Variants in LHFPL3 observed in about 807,000 individuals in gnomAD.
The protein encoded by LHFPL3 is LHFPL tetraspan subfamily member 3, also known as LHFPL tetraspan subfamily member 3 protein.
A neutral mutation model predicts 19.3 loss-of-function variants in LHFPL3; 5 were observed. The observed-to-expected ratio is 0.26, with a 90% confidence interval of 0.14 to 0.54. The LOEUF (loss-of-function observed/expected upper bound fraction) is 0.54, where lower values mean the gene tolerates loss of function less well. Ranked by LOEUF, LHFPL3 falls within the 20% of genes least tolerant of loss-of-function variation. LHFPL3 has a pLI of 0.94. For synonymous variants in LHFPL3, 133 were observed against 126.2 expected (o/e 1.05, Z -0.36); for missense variants, 249 against 307.4 (o/e 0.81, Z 1.42).
chr7:104,456,792 T>C (rs946016089), intron 1 of LHFPL3, among the ~76,000 whole-genome samples: 42 of 152,300 alleles, frequency 2.8e-4, no homozygotes, highest in Non-Finnish European at 5.0e-4. Flanking sequence ...AAGTGACTAA[T>C]GGGTGGGGAG....
chr7:104,336,004 C>G (rs1198033243), intron 1 of LHFPL3, among the ~76,000 whole-genome samples: 2 of 152,088 alleles, frequency 1.3e-5, no homozygotes, highest in Non-Finnish European at 2.9e-5. Flanking sequence ...AAATAACGCT[C>G]TAGGAGAATT....
intron 1 of LHFPL3, among the ~76,000 whole-genome samples, chr7:104,685,192 C>T (rs111893153): frequency 0.019 from 2,910 of 152,100 alleles, 101 homozygotes; most frequent in African/African-American, 0.067. Context: ...ACTAAAAATA[C>T]AAAAATTAGC....
intron 1 of LHFPL3, among the ~76,000 whole-genome samples, chr7:104,521,302 G>T (rs1794055391): frequency 1.3e-5 from 2 of 151,740 alleles, no homozygotes; most frequent in South Asian, 4.2e-4. Context: ...ATTGCACTGT[G>T]GTCTGAGAGA....
chr7:104,387,845 T>C (rs1265657119), intron 1 of LHFPL3, among the ~76,000 whole-genome samples: 1 of 152,146 alleles, frequency 6.6e-6, no homozygotes, highest in Non-Finnish European at 1.5e-5. Context: ...GCCATATAGG[T>C]AAATTGTGTG....
In LHFPL3 at chr7:104,341,721, C is replaced by A. The variant is rs183492195; in HGVS notation, c.445+12497C>A. Among the ~76,000 whole-genome samples the A allele has an allele frequency of 1.4e-3, 211 of 152,242 alleles. No individual in the cohort carries two copies. In the East Asian group the frequency reaches 0.024, roughly 17 times the overall value. ...CAGCCCCAGTTCACTTTGCTGAAGACCCCTCCATTGTCGGCAGGATGGGCT... is the reference window on the plus strand; with the variant it reads ...CAGCCCCAGTTCACTTTGCTGAAGAACCCTCCATTGTCGGCAGGATGGGCT... On this transcript the variant is annotated intron_variant, in intron 1 of 2. Transcript: ENST00000424859.
At chr7:104,850,960 G>T (rs1475443515) in intron 2 of LHFPL3, among the ~76,000 whole-genome samples, 1 of 152,126 alleles carries the variant, frequency 6.6e-6, no homozygotes, top group Non-Finnish European at 1.5e-5. Context: ...ATCATTCCAG[G>T]TACTTCTGAT....
chr7:104,609,926 T>C (rs1791179739), intron 1 of LHFPL3, among the ~76,000 whole-genome samples: 1 of 152,224 alleles, frequency 6.6e-6, no homozygotes, highest in African/African-American at 2.4e-5. Context: ...TTTTTAATTA[T>C]GAAACTATTC....
intron 2 of LHFPL3, among the ~76,000 whole-genome samples, chr7:104,857,904 G>A (rs1206242367): frequency 1.3e-5 from 2 of 152,170 alleles, no homozygotes; most frequent in African/African-American, 2.4e-5. Context: ...ACAGGAAACG[G>A]GGCTTGTGGT....
chr7:104,698,803 A>G (rs1291415279), intron 1 of LHFPL3, among the ~76,000 whole-genome samples: 1 of 152,236 alleles, frequency 6.6e-6, no homozygotes, highest in African/African-American at 2.4e-5. Context: ...ACTGTATCTG[A>G]TAAGGGATTA....
intron 1 of LHFPL3, among the ~76,000 whole-genome samples, chr7:104,330,127 CTGGTGACTT>C (rs1435410117): frequency 6.6e-6 from 1 of 152,150 alleles, no homozygotes. Context: ...GGTACATTTC[CTGGTGACTT>C]TGAAGAGTCC....
intron 2 of LHFPL3, among the ~76,000 whole-genome samples, chr7:104,859,110 T>A (rs1170708758): frequency 6.9e-6 from 1 of 144,458 alleles, no homozygotes; most frequent in Non-Finnish European, 1.5e-5. Flanking sequence ...TAAAAAAAAA[T>A]ACAAAAATTA....
chr7:104,632,046 G>T (rs1005242126), intron 1 of LHFPL3, among the ~76,000 whole-genome samples: 2 of 152,118 alleles, frequency 1.3e-5, no homozygotes, highest in African/African-American at 4.8e-5. Context: ...AGATTTCTTT[G>T]GGCTTCCTTC....
At position 104,329,852 on chromosome 7, in the gene LHFPL3, A is replaced by G. The variant is rs919795494; in HGVS notation, c.445+628A>G. Among the ~76,000 whole-genome samples the G allele has an allele frequency of 7.9e-5, 12 of 152,166 alleles. 1 individual carries two copies. Among genetic ancestry groups the G allele is most frequent in the Admixed American group, 5.9e-4 (9 of 15,280 alleles). On this transcript the variant is annotated intron_variant, in intron 1 of 2. Transcript: ENST00000424859. ...ATGTAGCTTAGAACATTCTTTCGCA[A>G]TTCCTCAATGTCAAGTCTTCAGTTT...
rs1422185875 is a variant in LHFPL3 at position 104,328,748 on chromosome 7, G to C, written c.-32G>C. 4 of 503,716 alleles carry C rather than the reference G, an allele frequency of 7.9e-6. No homozygotes were observed. The highest frequency in any genetic ancestry group is 1.0e-5 in the Non-Finnish European group (4 of 393,712). 31.2% of individuals were successfully genotyped at this position (503,716 alleles called of 1,614,324 possible). On this transcript the variant is annotated 5_prime_UTR_variant, in exon 1 of 3. Transcript: ENST00000424859. This position sits in a 1 kb window ranked among gnomAD's most constrained non-coding sequence, Gnocchi z 4.6. ...AGAGGCGGGGGGAGGCGGAGGACCA[G>C]GAGGAGGAGGAGGAGGAGGAGGAGG...
intron 1 of LHFPL3, among the ~76,000 whole-genome samples, chr7:104,507,176 C>T (rs1429744228): frequency 6.6e-6 from 1 of 151,962 alleles, no homozygotes; most frequent in Non-Finnish European, 1.5e-5. Flanking sequence ...AAGAACAAAG[C>T]TGGAGGCATC....
chr7:104,478,694 G>T (rs1271672142), intron 1 of LHFPL3, among the ~76,000 whole-genome samples: 2 of 152,200 alleles, frequency 1.3e-5, no homozygotes, highest in African/African-American at 4.8e-5. Context: ...TTCTTAGGGA[G>T]ACTCAGATAA....
intron 1 of LHFPL3, among the ~76,000 whole-genome samples, chr7:104,463,010 T>G (rs1168361359): frequency 6.6e-6 from 1 of 152,190 alleles, no homozygotes; most frequent in Non-Finnish European, 1.5e-5. Context: ...TTGTAGTTTT[T>G]CTAGTTTATA....
chr7:104,607,851 C>G (rs368582987), intron 1 of LHFPL3, among the ~76,000 whole-genome samples: 19 of 152,218 alleles, frequency 1.2e-4, no homozygotes, highest in African/African-American at 3.9e-4. Context: ...ACAGACACTT[C>G]TCAAAAGAAG....
At chr7:104,427,507 A>G (rs1431457646) in intron 1 of LHFPL3, among the ~76,000 whole-genome samples, 1 of 152,198 alleles carries the variant, frequency 6.6e-6, no homozygotes, top group East Asian at 1.9e-4. Context: ...CAGGGCTGAT[A>G]GGGTTTTTGC....
Sources: gnomAD v4.1 joint callset for allele counts (sites outside exome capture counted in the v4.1 genomes callset) on GRCh38, gnomAD v4.1.1 for gene constraint, Gnocchi (gnomAD v3.1) non-coding constraint, MANE v1.5 for transcripts, NCBI Gene and HGNC (gene_info 2026-07-23, HGNC 2026-07-21) for gene names.